Variants in CEP128 observed in about 807,000 individuals in gnomAD.
CEP128 encodes the protein centrosomal protein 128kDa.
A neutral mutation model predicts 156.7 loss-of-function variants in CEP128; 132 were observed. The ratio of observed to expected loss-of-function variants is 0.84; its 90% confidence interval spans 0.73 to 0.97. The LOEUF (loss-of-function observed/expected upper bound fraction) is 0.97, where lower values mean the gene tolerates loss of function less well. Ranked by LOEUF, CEP128 falls within the 50% of genes least tolerant of loss-of-function variation. CEP128 has a pLI of 0.00. For missense variants in CEP128, 1,252 were observed against 1,281.9 expected (o/e 0.98, Z 0.36); for synonymous variants, 469 against 448.9 (o/e 1.04, Z -0.57).
chr14:80,545,476 T>C (rs1041808422), intron 21 of CEP128, among the ~76,000 whole-genome samples: 3 of 152,224 alleles, frequency 2.0e-5, no homozygotes, highest in African/African-American at 7.2e-5. Context: ...ATAATGGTTT[T>C]GTAAATCAGT....
chr14:80,815,921 C>T (rs1884826678), intron 13 of CEP128, among the ~76,000 whole-genome samples: 1 of 151,870 alleles, frequency 6.6e-6, no homozygotes, highest in Non-Finnish European at 1.5e-5. Context: ...ATACTGGAGA[C>T]CCACGTGGAA....
At chr14:80,841,442 T>A (rs1409315208) in intron 9 of CEP128, among the ~76,000 whole-genome samples, 1 of 152,012 alleles carries the variant, frequency 6.6e-6, no homozygotes, top group Non-Finnish European at 1.5e-5. Context: ...CTGCCATAAT[T>A]CCTACTCTCA....
chr14:80,904,774 G>T, intron 6 of CEP128, 39 bp downstream of exon 6: 2 of 1,089,170 alleles, frequency 1.8e-6, no homozygotes, highest in South Asian at 1.2e-5. Context: ...AGAAGCATAA[G>T]GAAATACTGC....
chr14:80,632,952 G>T (rs963325117), intron 19 of CEP128, among the ~76,000 whole-genome samples: 2 of 152,140 alleles, frequency 1.3e-5, no homozygotes, highest in South Asian at 2.1e-4. Flanking sequence ...AATAGGATGG[G>T]GTTTGGGATT....
intron 18 of CEP128, among the ~76,000 whole-genome samples, chr14:80,745,337 T>A (rs545919868): frequency 1.3e-5 from 2 of 152,174 alleles, no homozygotes; most frequent in Non-Finnish European, 2.9e-5. Flanking sequence ...TGTGTGTCAA[T>A]TAAACCTCTT....
intron 8 of CEP128, among the ~76,000 whole-genome samples, chr14:80,867,987 G>T (rs1021880702): frequency 3.3e-5 from 5 of 152,006 alleles, no homozygotes; most frequent in African/African-American, 1.2e-4. Flanking sequence ...TCACATACAA[G>T]GGAACCCTTA....
At chr14:80,927,360 A>ACTATTT (rs1359073649) in intron 2 of CEP128, among the ~76,000 whole-genome samples, 2 of 152,032 alleles carry the variant, frequency 1.3e-5, no homozygotes, top group East Asian at 3.9e-4. Context: ...GGAAAAGGGA[A>ACTATTT]CTATTTCTCC....
At chr14:80,600,720 A>C (rs1377799298) in intron 19 of CEP128, among the ~76,000 whole-genome samples, 1 of 152,178 alleles carries the variant, frequency 6.6e-6, no homozygotes, top group Non-Finnish European at 1.5e-5. Context: ...ACAAATATCT[A>C]AACATAGACA....
intron 17 of CEP128, 30 bp from the exon 18 acceptor site, chr14:80,756,981 T>C (rs762918536): frequency 3.6e-6 from 5 of 1,395,036 alleles, no homozygotes; most frequent in South Asian, 1.2e-5. Flanking sequence ...CGATTAGAAA[T>C]ACATTTTTCT....
intron 2 of CEP128, among the ~76,000 whole-genome samples, chr14:80,956,249 T>C (rs1886676682): frequency 6.6e-6 from 1 of 152,228 alleles, no homozygotes; most frequent in Non-Finnish European, 1.5e-5. Context: ...TGCAAAAATA[T>C]GTATTTCTCC....
intron 19 of CEP128, among the ~76,000 whole-genome samples, chr14:80,603,784 T>C (rs1285565237): frequency 6.6e-6 from 1 of 152,180 alleles, no homozygotes; most frequent in East Asian, 1.9e-4. Flanking sequence ...GAGAAAATAA[T>C]TGAGTAGAAT....
chr14:80,935,741 G>A (rs560513751), intron 2 of CEP128, among the ~76,000 whole-genome samples: 2 of 148,282 alleles, frequency 1.3e-5, no homozygotes, highest in South Asian at 2.1e-4. Context: ...TGATGGTAGT[G>A]GTGGTGGTGG....
At chr14:80,586,630 T>C (rs1052626918) in intron 19 of CEP128, among the ~76,000 whole-genome samples, 2 of 152,168 alleles carry the variant, frequency 1.3e-5, no homozygotes, top group Admixed American at 6.5e-5. Context: ...ACATCGACAA[T>C]CTGTGGGAAG....
rs765918985 is a variant in CEP128, at chr14:80,743,313, GAGC to G, written c.2614-49_2614-47del. 42 of 1,358,116 alleles carry G rather than the reference GAGC, an allele frequency of 3.1e-5. No individual in the cohort carries two copies. In the East Asian group the frequency reaches 9.2e-4, roughly 30 times the overall value. 84.1% of individuals were successfully genotyped at this position (1,358,116 alleles called of 1,614,324 possible). Reference sequence around the variant, plus strand: ...CTAATGGTTAAAGAAACTCAGAAAAGAGCAGCATTTCAAAACATGAAGAAAAAA... The same window carrying G: ...CTAATGGTTAAAGAAACTCAGAAAAGAGCATTTCAAAACATGAAGAAAAAA... On this transcript the variant is annotated intron_variant, in intron 18 of 24. Coordinates refer to ENST00000555265, the MANE Select transcript of CEP128 (RefSeq NM_152446.5).
intron 20 of CEP128, among the ~76,000 whole-genome samples, chr14:80,566,316 C>T (rs1890906139): frequency 1.3e-5 from 2 of 152,148 alleles, no homozygotes. Flanking sequence ...TTCCCCATGA[C>T]AATCCATTAC....
At position 80,496,947 on chromosome 14, in the gene CEP128, T is replaced by C. The variant is rs749598601; in HGVS notation, c.*532A>G. The C allele has an allele frequency of 6.6e-6, 1 of 152,420 alleles. No homozygotes were observed. Among genetic ancestry groups the C allele is most frequent in the Non-Finnish European group, 1.5e-5 (1 of 68,222 alleles). The allele number at this position is 152,420 out of a possible 1,614,324, so 9.4% of individuals were successfully genotyped here. A position where few individuals can be genotyped will look rare whatever the true frequency, so the allele number is the denominator to read the frequency against. ...AGTTGTGGACTGTTAAGATGATAGA[T>C]ATAAAAGTCCTGAGCATTTATAAAG... On this transcript the variant is annotated 3_prime_UTR_variant, in exon 25 of 25. Coordinates refer to ENST00000555265, the MANE Select transcript of CEP128 (RefSeq NM_152446.5).
chr14:80,597,361 T>C (rs1892374642), intron 19 of CEP128, among the ~76,000 whole-genome samples: 1 of 152,156 alleles, frequency 6.6e-6, no homozygotes, highest in Admixed American at 6.5e-5. Flanking sequence ...CAAAGTACCA[T>C]AACTTACCCA....
intron 9 of CEP128, among the ~76,000 whole-genome samples, chr14:80,856,584 A>AGTGG: frequency 6.6e-6 from 1 of 152,024 alleles, no homozygotes; most frequent in East Asian, 1.9e-4. Context: ...GTTGAGACTG[A>AGTGG]GTGGGCCATG....
intron 21 of CEP128, among the ~76,000 whole-genome samples, chr14:80,557,342 ATT>A (rs1890479226): frequency 6.6e-6 from 1 of 152,198 alleles, no homozygotes; most frequent in Non-Finnish European, 1.5e-5. Flanking sequence ...TTTCACGTGT[ATT>A]TTCTCTCTTA....
Sources: gnomAD v4.1 joint callset for allele counts (sites outside exome capture counted in the v4.1 genomes callset) on GRCh38, gnomAD v4.1.1 for gene constraint, MANE v1.5 for transcripts, NCBI Gene and HGNC (gene_info 2026-07-23, HGNC 2026-07-21) for gene names.